NRXN3: variants seen among roughly 807,000 people sequenced by gnomAD.
NRXN3 encodes neurexin 3.
Under a neutral mutation model 137.6 loss-of-function variants are expected in NRXN3, and 32 were observed. The observed-to-expected ratio is 0.23, with a 90% CI of 0.18 to 0.31. The LOEUF is 0.31. NRXN3 is among the 10% of genes least tolerant of loss of function. The pLI, the probability that NRXN3 is intolerant of heterozygous loss-of-function variation, is 1.00. For synonymous variants in NRXN3, 798 were observed against 784.5 expected (o/e 1.02, Z -0.29); for missense variants, 1,574 against 2,062.5 (o/e 0.76, Z 4.59).
intron 19 of NRXN3, among the ~76,000 whole-genome samples, chr14:79,770,227 T>G (rs1212807550): frequency 6.6e-6 from 1 of 151,842 alleles, no homozygotes; most frequent in African/African-American, 2.4e-5. Flanking sequence ...AGACAGAAAG[T>G]CAACAAGGAT....
chr14:78,385,378 AC>A (rs1333421188), intron 4 of NRXN3, among the ~76,000 whole-genome samples: 1 of 152,098 alleles, frequency 6.6e-6, no homozygotes, highest in African/African-American at 2.4e-5. Context: ...AAAAGTGAAC[AC>A]ATTTGCAAGC....
intron 1 of NRXN3, among the ~76,000 whole-genome samples, chr14:78,240,005 C>G (rs970927960): frequency 1.3e-5 from 2 of 152,218 alleles, no homozygotes; most frequent in African/African-American, 2.4e-5. Context: ...TGCATAGCCT[C>G]AAGTCTTTAC....
intron 4 of NRXN3, among the ~76,000 whole-genome samples, chr14:78,587,287 C>A (rs2152387705): frequency 6.6e-6 from 1 of 152,298 alleles, no homozygotes; most frequent in East Asian, 1.9e-4. Context: ...CCCTGGTCAA[C>A]CTCTAGAGCA....
At chr14:79,503,061 A>C (rs1242578356) in intron 16 of NRXN3, among the ~76,000 whole-genome samples, 1 of 152,092 alleles carries the variant, frequency 6.6e-6, no homozygotes, top group Non-Finnish European at 1.5e-5. Context: ...TTGCAGTCAC[A>C]GTTCTTTAGT....
chr14:78,262,844 T>C (rs1393473671), intron 2 of NRXN3, among the ~76,000 whole-genome samples: 1 of 152,182 alleles, frequency 6.6e-6, no homozygotes, highest in Non-Finnish European at 1.5e-5. Flanking sequence ...TAGGCTAGCA[T>C]CTATTGACCT....
intron 6 of NRXN3, among the ~76,000 whole-genome samples, chr14:78,693,040 GCCACTGCATT>G (rs1017856953): frequency 4.6e-5 from 7 of 151,976 alleles, no homozygotes; most frequent in African/African-American, 1.7e-4. Flanking sequence ...CCGAGATCAT[GCCACTGCATT>G]CCAGCCCAGG....
At chr14:78,556,145 A>G (rs533318980) in intron 4 of NRXN3, among the ~76,000 whole-genome samples, 2 of 152,330 alleles carry the variant, frequency 1.3e-5, no homozygotes, top group African/African-American at 4.8e-5. Flanking sequence ...AGGCAAATCC[A>G]AAGAAAATAA....
chr14:78,603,615 A>G (rs2097220227), intron 4 of NRXN3, among the ~76,000 whole-genome samples: 1 of 152,244 alleles, frequency 6.6e-6, no homozygotes, highest in Admixed American at 6.5e-5. Context: ...ATAATTAGAA[A>G]TTATGATAAT....
chr14:78,814,169 G>T lies in NRXN3; in HGVS notation c.2275+3825G>T, dbSNP rs189538574. Among the ~76,000 whole-genome samples the T allele has an allele frequency of 7.3e-4, 111 of 152,216 alleles. 1 individual carries two copies. Among genetic ancestry groups the T allele is most frequent in the Non-Finnish European group, 8.5e-4 (58 of 67,998 alleles). ...GGTCTTTGGTTGAATCAAGTTTGTTGCTGAATTTGATTCATCTGGCGGGAA... is the reference window on the plus strand; with the variant it reads ...GGTCTTTGGTTGAATCAAGTTTGTTTCTGAATTTGATTCATCTGGCGGGAA... On this transcript the variant is annotated intron_variant, in intron 10 of 20. Transcript: ENST00000335750.
At chr14:79,072,503 G>T (rs2099689189) in intron 15 of NRXN3, 1 of 152,126 alleles carries the variant, frequency 6.6e-6, no homozygotes, top group African/African-American at 2.4e-5. Context: ...AGTGGTTTCA[G>T]CTGGAATAAA....
At chr14:79,809,555 T>G (rs1234633499) in intron 20 of NRXN3, among the ~76,000 whole-genome samples, 1 of 152,194 alleles carries the variant, frequency 6.6e-6, no homozygotes, top group African/African-American at 2.4e-5. Flanking sequence ...GAATATTTGC[T>G]TCAAGAACCC....
chr14:78,514,367 G>A (rs1040752241), intron 4 of NRXN3, among the ~76,000 whole-genome samples: 5 of 152,110 alleles, frequency 3.3e-5, no homozygotes, highest in East Asian at 1.9e-4. Flanking sequence ...TAGCTAGGTC[G>A]AGGTAAAAAA....
At chr14:79,780,728 A>T (rs1011619691) in intron 19 of NRXN3, among the ~76,000 whole-genome samples, 1 of 152,228 alleles carries the variant, frequency 6.6e-6, no homozygotes, top group Admixed American at 6.5e-5. Context: ...AACAGAAAAC[A>T]TTTTGTTAAG....
chr14:78,952,203 C>T (rs1358931369), intron 10 of NRXN3, among the ~76,000 whole-genome samples: 3 of 151,552 alleles, frequency 2.0e-5, no homozygotes, highest in East Asian at 1.9e-4. Flanking sequence ...TTCTGCCAAA[C>T]GGGCTCTAAA....
At chr14:78,793,799 T>G (rs1393472118) in intron 8 of NRXN3, among the ~76,000 whole-genome samples, 7 of 152,116 alleles carry the variant, frequency 4.6e-5, no homozygotes, top group African/African-American at 7.2e-5. Context: ...CTAGACCAAC[T>G]GGTACAGTCT....
At chr14:79,299,651 A>AT (rs2084804826) in intron 15 of NRXN3, among the ~76,000 whole-genome samples, 1 of 152,110 alleles carries the variant, frequency 6.6e-6, no homozygotes, top group Non-Finnish European at 1.5e-5. Flanking sequence ...AAAACTTAGT[A>AT]AAGAATCAGG....
intron 4 of NRXN3, among the ~76,000 whole-genome samples, chr14:78,639,029 C>T (rs2097591255): frequency 6.6e-6 from 1 of 152,216 alleles, no homozygotes; most frequent in Non-Finnish European, 1.5e-5. Context: ...TTGAGAACCT[C>T]CAACCTCTGA....
intron 8 of NRXN3, among the ~76,000 whole-genome samples, chr14:78,772,285 G>A (rs999329165): frequency 6.6e-5 from 10 of 152,132 alleles, no homozygotes; most frequent in Non-Finnish European, 1.2e-4. Context: ...GGAAAAAGAC[G>A]AAATAATAAT....
intron 2 of NRXN3, among the ~76,000 whole-genome samples, chr14:78,259,448 C>T (rs543507340): frequency 6.6e-6 from 1 of 152,208 alleles, no homozygotes; most frequent in South Asian, 2.1e-4. Flanking sequence ...TGGCGTAGAA[C>T]TCTTGGGGGT....
Sources: allele counts gnomAD v4.1 joint callset (sites outside exome capture counted in the v4.1 genomes callset), GRCh38; gene constraint gnomAD v4.1.1; transcripts MANE v1.5; gene names NCBI Gene and HGNC (gene_info 2026-07-23, HGNC 2026-07-21).